Variants in ARNT2 observed in about 807,000 individuals in gnomAD.
The protein encoded by ARNT2 is aryl hydrocarbon receptor nuclear translocator 2.
Under a neutral mutation model 91.7 loss-of-function variants are expected in ARNT2, and 36 were observed. That is an observed-to-expected ratio of 0.39 (90% CI 0.30 to 0.52). ARNT2 has a LOEUF of 0.52. Among genes scored for constraint, ARNT2 ranks in the 20% least tolerant of loss-of-function variants. The pLI, the probability that ARNT2 is intolerant of heterozygous loss-of-function variation, is 0.72. For synonymous variants in ARNT2, 365 were observed against 347.1 expected, an observed-to-expected ratio of 1.05 and a Z score of -0.57; for missense variants, 775 against 939.3, an observed-to-expected ratio of 0.83 and a Z score of 2.29.
At chr15:80,563,573 G>A (rs1019184423) in intron 12 of ARNT2, among the ~76,000 whole-genome samples, 1 of 152,210 alleles carries the variant, frequency 6.6e-6, no homozygotes, top group Non-Finnish European at 1.5e-5. Flanking sequence ...GCCCCGCCTT[G>A]TTGCTCCCTG....
chr15:80,471,934 T>A (rs1442129089), intron 4 of ARNT2, among the ~76,000 whole-genome samples: 1 of 152,184 alleles, frequency 6.6e-6, no homozygotes, highest in Non-Finnish European at 1.5e-5. Flanking sequence ...AGGCCTGTGT[T>A]CAGGGTCTTT....
chr15:80,547,536 T>C (rs1023856861), intron 8 of ARNT2, among the ~76,000 whole-genome samples: 14 of 152,326 alleles, frequency 9.2e-5, no homozygotes, highest in South Asian at 2.1e-4. Flanking sequence ...GTTTTTTCCA[T>C]GGAACATAGT....
chr15:80,546,690 C>A (rs867374960), intron 8 of ARNT2, among the ~76,000 whole-genome samples: 2 of 152,032 alleles, frequency 1.3e-5, no homozygotes, highest in Non-Finnish European at 2.9e-5. Flanking sequence ...AATGGCTGGG[C>A]GCGGTGGCTC....
At chr15:80,528,893 A>G (rs938570946) in intron 8 of ARNT2, among the ~76,000 whole-genome samples, 1 of 152,212 alleles carries the variant, frequency 6.6e-6, no homozygotes, top group South Asian at 2.1e-4. Context: ...AAGACAAAAC[A>G]GACTAAGACA....
chr15:80,446,796 C>T (rs536322955), intron 1 of ARNT2, among the ~76,000 whole-genome samples: 1 of 152,298 alleles, frequency 6.6e-6, no homozygotes, highest in African/African-American at 2.4e-5. Flanking sequence ...TATCATTGTT[C>T]TTAAGCCAAT....
chr15:80,534,362 T>A (rs1897787657), intron 8 of ARNT2, among the ~76,000 whole-genome samples: 1 of 152,178 alleles, frequency 6.6e-6, no homozygotes, highest in African/African-American at 2.4e-5. Context: ...AAATGGTGCA[T>A]GTTCATTAGT....
chr15:80,496,333 G>A (rs1385015955), intron 5 of ARNT2, among the ~76,000 whole-genome samples: 1 of 152,166 alleles, frequency 6.6e-6, no homozygotes, highest in African/African-American at 2.4e-5. Context: ...TGAGCATCTT[G>A]TGTGAAATGG....
chr15:80,421,889 C>G (rs1454192744), intron 1 of ARNT2, among the ~76,000 whole-genome samples: 2 of 152,022 alleles, frequency 1.3e-5, no homozygotes, highest in Non-Finnish European at 2.9e-5. Flanking sequence ...GTCCTTTAGT[C>G]CAAGTGGGTG....
intron 11 of ARNT2, 184 bp from the exon 12 acceptor site, chr15:80,562,904 G>A: frequency 1.4e-6 from 1 of 695,948 alleles, no homozygotes; most frequent in African/African-American, 1.8e-5. Flanking sequence ...CATTTCACCA[G>A]AAGGTAGACG....
At position 80,575,045 on chromosome 15, in the gene ARNT2, C is replaced by T. The variant is rs370262135; in HGVS notation, c.1448C>T (p.Ala483Val). ...VHEAGKSVEK[A>V]DAIFSQERDP... The stretch of plus-strand genomic sequence containing the variant: ...GAGGCCGGGAAGTCCGTGGAAAAGG[C>T]GGATGCAATCTTCTCCCAGGAAAGA... Residue 483 changes from alanine to valine, a missense_variant, in exon 14 of 19, where the codon GCG becomes GTG. Coordinates refer to ENST00000303329, the MANE Select transcript of ARNT2 (RefSeq NM_014862.4). 108 of 1,614,148 alleles carry T rather than the reference C, an allele frequency of 6.7e-5. No homozygotes were observed. The highest frequency in any genetic ancestry group is 2.5e-4 in the South Asian group (23 of 91,080).
chr15:80,477,998 T>C (rs1042701862), intron 5 of ARNT2, among the ~76,000 whole-genome samples: 4 of 152,226 alleles, frequency 2.6e-5, no homozygotes, highest in South Asian at 2.1e-4. Flanking sequence ...TAAGCTTTGA[T>C]GTTCTTGTAA....
intron 1 of ARNT2, among the ~76,000 whole-genome samples, chr15:80,419,523 ATAAT>A: frequency 6.6e-6 from 1 of 152,344 alleles, no homozygotes; most frequent in African/African-American, 2.4e-5. Flanking sequence ...AGAAGGGAAG[ATAAT>A]TAATGAGTGG....
At chr15:80,432,614 T>C (rs1376920490) in intron 1 of ARNT2, among the ~76,000 whole-genome samples, 1 of 152,146 alleles carries the variant, frequency 6.6e-6, no homozygotes, top group Non-Finnish European at 1.5e-5. Context: ...ATTTACTTTC[T>C]GATCCTTCCC....
intron 8 of ARNT2, among the ~76,000 whole-genome samples, chr15:80,524,854 G>A (rs573511020): frequency 6.1e-5 from 9 of 147,806 alleles, no homozygotes; most frequent in South Asian, 2.1e-4. Context: ...CAGCCTGGGC[G>A]ACAGAGCCAG....
At chr15:80,493,756 G>A (rs1897087250) in intron 5 of ARNT2, among the ~76,000 whole-genome samples, 1 of 152,098 alleles carries the variant, frequency 6.6e-6, no homozygotes, top group Admixed American at 6.5e-5. Flanking sequence ...TGGAATGGTT[G>A]TCCCCTCCAA....
In ARNT2 at chr15:80,470,383, G is replaced by C; in HGVS notation, c.360G>C (p.Gly120=). ...VSHMKSMRGT[G]NKSTDGAYKP... ...ACATGAAGTCCATGAGGGGTACAGG[G>C]AACAAGTCCACCGATGGCGCGTACA... Residue 120 remains glycine (G), a synonymous_variant, in exon 4 of 19, where the codon GGG becomes GGC. Coordinates refer to ENST00000303329, the MANE Select transcript of ARNT2 (RefSeq NM_014862.4). The C allele has an allele frequency of 6.2e-7, 1 of 1,614,188 alleles. No homozygotes were observed.
intron 5 of ARNT2, among the ~76,000 whole-genome samples, chr15:80,495,673 C>T (rs1459829217): frequency 6.6e-6 from 1 of 152,210 alleles, no homozygotes; most frequent in Non-Finnish European, 1.5e-5. Context: ...AGCTTGACTC[C>T]TCTGTTTGCT....
intron 1 of ARNT2, among the ~76,000 whole-genome samples, chr15:80,406,157 AG>A (rs1303911574): frequency 2.0e-5 from 3 of 152,152 alleles, no homozygotes; most frequent in Non-Finnish European, 4.4e-5. Context: ...TTAGATTTGG[AG>A]TAAGAGTAAA....
At chr15:80,501,448 A>G (rs1897191354) in intron 5 of ARNT2, among the ~76,000 whole-genome samples, 1 of 152,246 alleles carries the variant, frequency 6.6e-6, no homozygotes, top group Non-Finnish European at 1.5e-5. Flanking sequence ...GGAGAAGGTT[A>G]TCTGGGATTT....
Sources: allele counts gnomAD v4.1 joint callset (sites outside exome capture counted in the v4.1 genomes callset), GRCh38; gene constraint gnomAD v4.1.1; transcripts MANE v1.5; gene names NCBI Gene and HGNC (gene_info 2026-07-23, HGNC 2026-07-21).